MFHAS1: variants seen among roughly 807,000 people sequenced by gnomAD.
MFHAS1 encodes the protein malignant fibrous histiocytoma-amplified sequence 1.
A neutral mutation model predicts 70.4 loss-of-function variants in MFHAS1; 50 were observed. The observed-to-expected ratio is 0.71, with a 90% CI of 0.57 to 0.90. The LOEUF (loss-of-function observed/expected upper bound fraction) is 0.90. Ranked by LOEUF, MFHAS1 falls within the 40% of genes least tolerant of loss-of-function variation. MFHAS1 has a pLI of 0.00. For synonymous variants in MFHAS1, 952 were observed against 620.0 expected, an observed-to-expected ratio of 1.54 and a Z score of -7.96; for missense variants, 1,795 against 1,347.6, an observed-to-expected ratio of 1.33 and a Z score of -5.20.
rs1370768990 is a variant in MFHAS1, at chr8:8,784,233, A to C, written c.*1789T>G. The C allele has an allele frequency of 1.3e-5, 2 of 152,066 alleles. No homozygotes were observed. Among genetic ancestry groups the C allele is most frequent in the African/African-American group, 4.8e-5 (2 of 41,416 alleles). The allele number at this position is 152,066 out of a possible 1,614,324, so 9.4% of individuals were successfully genotyped here. On this transcript the variant is annotated 3_prime_UTR_variant, in exon 3 of 3. Transcript: ENST00000276282. ...ATTAAAAAATTCTTACTTCCCAACT[A>C]TTCAATGGTCCAAAAAGCAATTAAA...
At chr8:8,837,966 A>G (rs1357221964) in intron 1 of MFHAS1, among the ~76,000 whole-genome samples, 3 of 152,236 alleles carry the variant, frequency 2.0e-5, no homozygotes, top group African/African-American at 7.2e-5. Flanking sequence ...TCCAGCACAC[A>G]AAGACTTGTA....
intron 1 of MFHAS1, among the ~76,000 whole-genome samples, chr8:8,887,133 A>C (rs1809788834): frequency 6.6e-6 from 1 of 152,128 alleles, no homozygotes; most frequent in Non-Finnish European, 1.5e-5. Context: ...TCTCAAAAAC[A>C]AACAAACAAA....
intron 1 of MFHAS1, among the ~76,000 whole-genome samples, chr8:8,859,612 C>A (rs1388593315): frequency 3.9e-5 from 6 of 152,194 alleles, no homozygotes; most frequent in African/African-American, 1.4e-4. Context: ...AAGACCTTCA[C>A]CGATGATTTA....
intron 1 of MFHAS1, among the ~76,000 whole-genome samples, chr8:8,808,783 G>T (rs1806433864): frequency 6.6e-6 from 1 of 152,168 alleles, no homozygotes; most frequent in African/African-American, 2.4e-5. Context: ...AATTGGGTTT[G>T]GTGCCATTGG....
At chr8:8,799,920 T>C (rs192941930) in intron 1 of MFHAS1, among the ~76,000 whole-genome samples, 4 of 152,200 alleles carry the variant, frequency 2.6e-5, no homozygotes, top group Non-Finnish European at 4.4e-5. Flanking sequence ...ATTTTACAAA[T>C]GAGGATGCTA....
intron 1 of MFHAS1, among the ~76,000 whole-genome samples, chr8:8,886,847 C>G (rs1157672601): frequency 6.6e-6 from 1 of 152,142 alleles, no homozygotes; most frequent in Admixed American, 6.5e-5. Context: ...CAAAGGTGGC[C>G]AAGCCTAGTG....
At chr8:8,879,922 C>G (rs1183868117) in intron 1 of MFHAS1, among the ~76,000 whole-genome samples, 3 of 152,224 alleles carry the variant, frequency 2.0e-5, no homozygotes, top group African/African-American at 7.2e-5. Flanking sequence ...TTCATTAGGT[C>G]TTGCCAGTCA....
chr8:8,866,408 G>T (rs3789845), intron 1 of MFHAS1, among the ~76,000 whole-genome samples: 52,225 of 150,796 alleles, frequency 0.35, 9,805 homozygotes, highest in East Asian at 0.7. Context: ...AGCCTCTGCC[G>T]CCCTGGCTCA....
At position 8,892,228 on chromosome 8, in the gene MFHAS1, C is replaced by T. The variant is rs1371490241; in HGVS notation, c.831G>A (p.Met277Ile). 6.2e-7 allele frequency: 1 copy of T among 1,611,170 alleles called. No individual in the cohort carries two copies. Among genetic ancestry groups the T allele is most frequent in the Non-Finnish European group, 8.5e-7 (1 of 1,180,020 alleles). The part of the protein sequence containing the change: ...AQFSCLQRLK[M>I]LNLSSNLFEE... ...CGAAGAGGTTGGAGGAGAGGTTGAG[C>T]ATTTTGAGCCGCTGCAGGCAGCTGA... The change falls in exon 1 of 3, where the codon ATG becomes ATA. Residue 277 changes from methionine to isoleucine, a missense_variant. Coordinates refer to ENST00000276282, the MANE Select transcript of MFHAS1 (RefSeq NM_004225.3). The surrounding 1 kb of genome is among the most constrained non-coding windows in gnomAD (Gnocchi z 4.7).
chr8:8,812,882 T>A (rs1039701665), intron 1 of MFHAS1, among the ~76,000 whole-genome samples: 3 of 152,198 alleles, frequency 2.0e-5, no homozygotes, highest in African/African-American at 7.2e-5. Flanking sequence ...TTCTCTGGCC[T>A]CAGCCTCCTG....
chr8:8,783,512 C>T lies in MFHAS1; in HGVS notation c.*2510G>A, dbSNP rs925744397. 1.3e-5 allele frequency: 2 copies of T among 152,134 alleles called. No homozygotes were observed. Among genetic ancestry groups the T allele is most frequent in the African/African-American group, 4.8e-5 (2 of 41,434 alleles). The allele number at this position is 152,134 out of a possible 1,614,324, so 9.4% of individuals were successfully genotyped here. Reference sequence around the variant, plus strand: ...CACCAAACCCCTTTTCCTTTTTATTCATTCAAAAGAGAGTCCAATACACAA... The same window carrying T: ...CACCAAACCCCTTTTCCTTTTTATTTATTCAAAAGAGAGTCCAATACACAA... On this transcript the variant is annotated 3_prime_UTR_variant, in exon 3 of 3. Coordinates refer to ENST00000276282, the MANE Select transcript of MFHAS1 (RefSeq NM_004225.3).
In MFHAS1 at chr8:8,891,651, C is replaced by T. The variant is rs760823779; in HGVS notation, c.1408G>A (p.Gly470Ser). Residue 470 changes from glycine to serine, a missense_variant, in exon 1 of 3, where the codon GGC becomes AGC. Coordinates refer to ENST00000276282, the MANE Select transcript of MFHAS1 (RefSeq NM_004225.3). The surrounding 1 kb of genome is among the most constrained non-coding windows in gnomAD (Gnocchi z 5.4). The stretch of plus-strand genomic sequence containing the variant: ...AAGTCATACACGATGAACCGCAGGC[C>T]CCGGGAGGCATCGGCCGTCCAGCTG... The part of the protein sequence containing the change: ...VTSWTADASR[G>S]LRFIVYDLAG... 6.2e-7 allele frequency: 1 copy of T among 1,613,638 alleles called. No individual in the cohort carries two copies.
At chr8:8,841,676 CAG>C (rs1807831609) in intron 1 of MFHAS1, among the ~76,000 whole-genome samples, 1 of 152,072 alleles carries the variant, frequency 6.6e-6, no homozygotes, top group Non-Finnish European at 1.5e-5. Context: ...TTCCAGGCTG[CAG>C]AGAGACTGAA....
At chr8:8,836,663 C>A (rs1807606715) in intron 1 of MFHAS1, among the ~76,000 whole-genome samples, 1 of 152,184 alleles carries the variant, frequency 6.6e-6, no homozygotes, top group Non-Finnish European at 1.5e-5. Context: ...AATGCATGAG[C>A]CACCTCGCCC....
intron 1 of MFHAS1, among the ~76,000 whole-genome samples, chr8:8,845,610 T>A (rs575023768): frequency 3.3e-5 from 5 of 152,312 alleles, no homozygotes; most frequent in African/African-American, 1.2e-4. Context: ...TCTTTTCTAG[T>A]CTTTATCCTG....
chr8:8,865,156 A>G (rs1480667093), intron 1 of MFHAS1, among the ~76,000 whole-genome samples: 17 of 151,798 alleles, frequency 1.1e-4, no homozygotes, highest in Admixed American at 1.1e-3. Flanking sequence ...ATGCACCTGT[A>G]ATCCCAGTCA....
At chr8:8,824,153 C>T (rs1011294311) in intron 1 of MFHAS1, among the ~76,000 whole-genome samples, 4 of 151,692 alleles carry the variant, frequency 2.6e-5, no homozygotes, top group African/African-American at 9.7e-5. Flanking sequence ...CTCTATGCTC[C>T]CTTGAGAAGA....
At chr8:8,879,362 G>C (rs1460950005) in intron 1 of MFHAS1, among the ~76,000 whole-genome samples, 1 of 151,762 alleles carries the variant, frequency 6.6e-6, no homozygotes, top group Non-Finnish European at 1.5e-5. Context: ...AAAAAAAAAA[G>C]GTAAGGACTC....
chr8:8,799,507 G>A (rs1806014264), intron 1 of MFHAS1, among the ~76,000 whole-genome samples: 1 of 152,198 alleles, frequency 6.6e-6, no homozygotes, highest in African/African-American at 2.4e-5. Context: ...TCTAATCCCA[G>A]CACTTTGCGA....
Sources: gnomAD v4.1 joint callset for allele counts (sites outside exome capture counted in the v4.1 genomes callset) on GRCh38, gnomAD v4.1.1 for gene constraint, Gnocchi (gnomAD v3.1) non-coding constraint, MANE v1.5 for transcripts, NCBI Gene and HGNC (gene_info 2026-07-23, HGNC 2026-07-21) for gene names.